The following ARL15 variants were observed in gnomAD, a reference collection of about 807,000 sequenced individuals.
ARL15 encodes ARF like GTPase 15.
ARL15 carries 19 observed loss-of-function variants against 25.2 expected under a neutral mutation model. That is an observed-to-expected ratio of 0.75 (90% CI 0.53 to 1.10). The LOEUF (loss-of-function observed/expected upper bound fraction) is 1.10, where lower values mean the gene tolerates loss of function less well. Among genes scored for constraint, ARL15 ranks in the 50% least tolerant of loss-of-function variants. The pLI, the probability that ARL15 is intolerant of heterozygous loss-of-function variation, is 0.00. For missense variants in ARL15, 220 were observed against 246.0 expected (o/e 0.89, Z 0.71); for synonymous variants, 94 against 86.8 (o/e 1.08, Z -0.46).
chr5:54,140,946 G>A (rs980857682), intron 3 of ARL15, among the ~76,000 whole-genome samples: 9 of 152,074 alleles, frequency 5.9e-5, no homozygotes, highest in Middle Eastern at 3.2e-3. Flanking sequence ...TGTCATTACC[G>A]TTTTTTCCCC....
intron 1 of ARL15, among the ~76,000 whole-genome samples, chr5:54,173,999 C>T (rs16882383): frequency 0.25 from 38,136 of 151,980 alleles, 5,177 homozygotes; most frequent in African/African-American, 0.33. Flanking sequence ...GGGCAGTCTG[C>T]TCCAATCCTA....
chr5:53,978,275 A>G (rs1236874382), intron 4 of ARL15, among the ~76,000 whole-genome samples: 2 of 152,166 alleles, frequency 1.3e-5, no homozygotes, highest in African/African-American at 4.8e-5. Flanking sequence ...ATATATTTTC[A>G]TCTATATTTG....
At chr5:54,252,667 G>A (rs1757263534) in intron 1 of ARL15, among the ~76,000 whole-genome samples, 2 of 152,100 alleles carry the variant, frequency 1.3e-5, no homozygotes, top group South Asian at 4.1e-4. Context: ...CTGCAGCCAG[G>A]GACACTTCCA....
intron 2 of ARL15, among the ~76,000 whole-genome samples, chr5:54,170,928 C>T (rs541736526): frequency 6.6e-6 from 1 of 152,316 alleles, no homozygotes; most frequent in East Asian, 1.9e-4. Context: ...GAAAACATCT[C>T]ACCCTTCTCC....
intron 4 of ARL15, chr5:54,048,180 C>A (rs1750585152): frequency 1.3e-5 from 2 of 151,940 alleles, no homozygotes; most frequent in Admixed American, 1.3e-4. Flanking sequence ...CATACTGATG[C>A]CACTTAGTGT....
chr5:54,202,276 C>T (rs957935193), intron 1 of ARL15, among the ~76,000 whole-genome samples: 2 of 152,140 alleles, frequency 1.3e-5, no homozygotes, highest in Non-Finnish European at 2.9e-5. Flanking sequence ...GTGACTGTTA[C>T]GTTACATGGC....
intron 4 of ARL15, among the ~76,000 whole-genome samples, chr5:53,956,521 GA>G (rs1747162558): frequency 6.6e-6 from 1 of 151,046 alleles, no homozygotes; most frequent in Non-Finnish European, 1.5e-5. Flanking sequence ...GAAATTAATA[GA>G]AATTTCCCTG....
At position 53,932,722 on chromosome 5, in the gene ARL15, G is replaced by C. The variant is rs187080107; in HGVS notation, c.463-46009C>G. Among the ~76,000 whole-genome samples, 10 of 152,324 alleles carry C rather than the reference G, an allele frequency of 6.6e-5. No individual in the cohort carries two copies. In the East Asian group the frequency reaches 1.7e-3, roughly 26 times the overall value. On this transcript the variant is annotated intron_variant, in intron 4 of 4. Coordinates refer to ENST00000504924, the MANE Select transcript of ARL15 (RefSeq NM_019087.3). ...TTGGTTATAGGTAACACTGGACACA[G>C]TGTCAGTGTGAAGTTAATGAAGCCT...
At chr5:54,255,940 A>G (rs1444758698) in intron 1 of ARL15, among the ~76,000 whole-genome samples, 1 of 152,154 alleles carries the variant, frequency 6.6e-6, no homozygotes, top group East Asian at 1.9e-4. Context: ...GAAAGTTTAT[A>G]GCACTAAATG....
chr5:54,059,319 A>C (rs925787822), intron 4 of ARL15, among the ~76,000 whole-genome samples: 2 of 152,242 alleles, frequency 1.3e-5, no homozygotes, highest in Non-Finnish European at 2.9e-5. Flanking sequence ...TTCCGACAGC[A>C]TCTTCACTGT....
chr5:54,080,529 G>A (rs11740552), intron 4 of ARL15, among the ~76,000 whole-genome samples: 15,435 of 151,832 alleles, frequency 0.1, 1,011 homozygotes, highest in Non-Finnish European at 0.15. Context: ...AAACCCCATC[G>A]TCCCCAAGAA....
chr5:54,114,818 T>C (rs1242688353), intron 3 of ARL15, among the ~76,000 whole-genome samples: 1 of 152,202 alleles, frequency 6.6e-6, no homozygotes, highest in Non-Finnish European at 1.5e-5. Context: ...TGTGCATGTG[T>C]AGGAAAGGGG....
At chr5:54,020,179 A>G (rs1040549341) in intron 4 of ARL15, among the ~76,000 whole-genome samples, 2 of 152,212 alleles carry the variant, frequency 1.3e-5, no homozygotes, top group East Asian at 1.9e-4. Flanking sequence ...CACACTGTCA[A>G]TGGAGACTGT....
At chr5:53,975,385 G>C (rs565316182) in intron 4 of ARL15, among the ~76,000 whole-genome samples, 14 of 152,280 alleles carry the variant, frequency 9.2e-5, no homozygotes, top group African/African-American at 3.1e-4. Flanking sequence ...TATTCAAAGA[G>C]AGCTTGCCTA....
At chr5:54,273,678 G>A (rs1329908332) in intron 1 of ARL15, among the ~76,000 whole-genome samples, 2 of 152,110 alleles carry the variant, frequency 1.3e-5, no homozygotes, top group Admixed American at 6.6e-5. Flanking sequence ...AGTAAAATGA[G>A]GATAGTAATA....
chr5:54,092,552 C>G (rs993081188), intron 4 of ARL15, among the ~76,000 whole-genome samples: 15 of 152,116 alleles, frequency 9.9e-5, no homozygotes, highest in African/African-American at 3.4e-4. Context: ...ACAAAGGAGA[C>G]CACTGAAATA....
At chr5:54,184,104 T>A (rs1355496793) in intron 1 of ARL15, among the ~76,000 whole-genome samples, 4 of 26,252 alleles carry the variant, frequency 1.5e-4, no homozygotes, top group Non-Finnish European at 2.5e-4. Flanking sequence ...TGTGGTGGGG[T>A]GGGGGGAGGG....
In ARL15 at chr5:54,179,637, C is replaced by A. The variant is rs533412811; in HGVS notation, c.49-7709G>T. Among the ~76,000 whole-genome samples the A allele has an allele frequency of 2.0e-5, 3 of 152,108 alleles. No homozygotes were observed. The South Asian group carries it at 6.2e-4, about 32-fold the overall frequency. ...ACTGGGATGGAAGAAAAGGGGATAC[C>A]AAAGTGCTGCTGGCTTCTCTCTTTC... On this transcript the variant is annotated intron_variant, in intron 1 of 4. Coordinates refer to ENST00000504924, the MANE Select transcript of ARL15 (RefSeq NM_019087.3).
chr5:54,260,332 A>C (rs16882546), intron 1 of ARL15, among the ~76,000 whole-genome samples: 1 of 152,152 alleles, frequency 6.6e-6, no homozygotes, highest in Non-Finnish European at 1.5e-5. Flanking sequence ...AACCATTATC[A>C]TAACAATTAC....
Sources: gnomAD v4.1 joint callset for allele counts (sites outside exome capture counted in the v4.1 genomes callset) on GRCh38, gnomAD v4.1.1 for gene constraint, MANE v1.5 for transcripts, NCBI Gene and HGNC (gene_info 2026-07-23, HGNC 2026-07-21) for gene names.